Variants in ANKRD12 observed in about 807,000 individuals in gnomAD.
ANKRD12 encodes the protein ankyrin repeat domain-containing protein 12.
Under a neutral mutation model 183.4 loss-of-function variants are expected in ANKRD12, and 85 were observed. The ratio of observed to expected loss-of-function variants is 0.46; its 90% CI spans 0.39 to 0.56. The LOEUF (loss-of-function observed/expected upper bound fraction) is 0.56. Ranked by LOEUF, ANKRD12 falls within the 20% of genes least tolerant of loss-of-function variation. ANKRD12 has a pLI of 0.00. For missense variants in ANKRD12, 2,405 were observed against 2,357.1 expected, an observed-to-expected ratio of 1.02 and a Z score of -0.42; for synonymous variants, 914 against 800.2, an observed-to-expected ratio of 1.14 and a Z score of -2.40.
chr18:9,285,208 CAAAA>C lies in ANKRD12; in HGVS notation c.*4094_*4097del, dbSNP rs1213192761. On this transcript the variant is annotated 3_prime_UTR_variant, in exon 13 of 13. Transcript: ENST00000262126. ...TGGGCGACAGAGCGAGACTCCGTCT[CAAAA>C]AAAAAAAAAAAGAAAGAAAAGAAAA... 15 of 85,500 alleles carry C rather than the reference CAAAA, an allele frequency of 1.8e-4. No individual in the cohort carries two copies. Among genetic ancestry groups the C allele is most frequent in the Non-Finnish European group, 1.5e-4 (6 of 41,248 alleles). 5.3% of individuals were successfully genotyped at this position (85,500 alleles called of 1,614,324 possible). A position where few individuals can be genotyped will look rare whatever the true frequency, so the allele number is the denominator to read the frequency against.
chr18:9,204,450 T>G (rs1326310026), intron 3 of ANKRD12, 26 bp from the exon 4 acceptor site: 1 of 1,554,598 alleles, frequency 6.4e-7, no homozygotes, highest in Non-Finnish European at 8.8e-7. Context: ...CTTTTTTCTC[T>G]TCTCCTGTCT....
chr18:9,261,687 AGTT>A (rs1462696874), intron 9 of ANKRD12, among the ~76,000 whole-genome samples: 1 of 152,136 alleles, frequency 6.6e-6, no homozygotes. Context: ...ACCAACCTAG[AGTT>A]GTCTGCAGAT....
At chr18:9,177,502 A>G (rs1305575490) in intron 1 of ANKRD12, among the ~76,000 whole-genome samples, 3 of 152,160 alleles carry the variant, frequency 2.0e-5, no homozygotes, top group South Asian at 4.1e-4. Context: ...TGTTCTGTGC[A>G]TAGAACATGT....
At chr18:9,264,738 A>G (rs1413554919) in intron 10 of ANKRD12, among the ~76,000 whole-genome samples, 1 of 151,924 alleles carries the variant, frequency 6.6e-6, no homozygotes, top group Non-Finnish European at 1.5e-5. Flanking sequence ...GTCAGGTAAT[A>G]TAACACACAT....
At chr18:9,264,920 G>A (rs919589441) in intron 10 of ANKRD12, among the ~76,000 whole-genome samples, 10 of 152,316 alleles carry the variant, frequency 6.6e-5, no homozygotes, top group Admixed American at 3.9e-4. Context: ...CGTGAGCGAC[G>A]CAGAAGACGG....
At position 9,255,981 on chromosome 18, in the gene ANKRD12, A is replaced by G; in HGVS notation, c.2714A>G (p.Glu905Gly). 1 of 1,573,144 alleles carries G rather than the reference A, an allele frequency of 6.4e-7. No individual in the cohort carries two copies. Among genetic ancestry groups the G allele is most frequent in the African/African-American group, 1.4e-5 (1 of 72,322 alleles). Residue 905 changes from glutamate to glycine, a missense_variant, in exon 9 of 13, where the codon GAA (glutamate) becomes GGA (glycine). Transcript: ENST00000262126. ...KKTDDREKSR[E>G]KMDRKHDKEK... ...ACTGACGACAGAGAGAAAAGTAGAG[A>G]AAAGATGGATAGGAAACATGACAAA...
chr18:9,166,388 T>C (rs2032070719), intron 1 of ANKRD12, among the ~76,000 whole-genome samples: 1 of 152,192 alleles, frequency 6.6e-6, no homozygotes, highest in African/African-American at 2.4e-5. Context: ...ACCTGTTGTT[T>C]CCTGACTTTT....
intron 10 of ANKRD12, among the ~76,000 whole-genome samples, chr18:9,270,693 C>T (rs2039553659): frequency 1.3e-5 from 2 of 152,132 alleles, no homozygotes; most frequent in Non-Finnish European, 2.9e-5. Flanking sequence ...GTGCAGCACA[C>T]CAGCATGGCA....
intron 3 of ANKRD12, among the ~76,000 whole-genome samples, 174 bp from the exon 4 acceptor site, chr18:9,204,302 G>T (rs576346090): frequency 1.3e-5 from 2 of 152,328 alleles, no homozygotes. Flanking sequence ...GAAATATTAG[G>T]TGTTGACCAA....
intron 8 of ANKRD12, among the ~76,000 whole-genome samples, chr18:9,243,013 C>G (rs1468960781): frequency 1.3e-5 from 2 of 152,122 alleles, no homozygotes; most frequent in Non-Finnish European, 1.5e-5. Flanking sequence ...TTAGAAGAGA[C>G]TCTGTAAAAT....
At chr18:9,233,275 T>C (rs2037159010) in intron 8 of ANKRD12, among the ~76,000 whole-genome samples, 1 of 152,048 alleles carries the variant, frequency 6.6e-6, no homozygotes, top group African/African-American at 2.4e-5. Flanking sequence ...TGTTTGGTTC[T>C]TTTTTATGAT....
intron 1 of ANKRD12, among the ~76,000 whole-genome samples, chr18:9,142,137 C>T (rs74721698): frequency 0.013 from 1,968 of 152,222 alleles, 49 homozygotes; most frequent in African/African-American, 0.046. Flanking sequence ...GATTGTTACT[C>T]CTACATAGGA....
intron 4 of ANKRD12, among the ~76,000 whole-genome samples, chr18:9,204,895 G>A (rs1158757116): frequency 6.6e-6 from 1 of 152,196 alleles, no homozygotes; most frequent in Non-Finnish European, 1.5e-5. Context: ...GTGTTTCGTT[G>A]TATACCCTTC....
chr18:9,169,964 A>G lies in ANKRD12; in HGVS notation c.-51-12418A>G, dbSNP rs535774681. Among the ~76,000 whole-genome samples, 7 of 152,132 alleles carry G rather than the reference A, an allele frequency of 4.6e-5. No individual in the cohort carries two copies. The South Asian group carries it at 1.5e-3, about 32-fold the overall frequency. ...CTGTAAAGTATTTTATTTCTCCTTCACTTATGAAGCTTAGTTTGGCCGGAT... is the reference window on the plus strand; with the variant it reads ...CTGTAAAGTATTTTATTTCTCCTTCGCTTATGAAGCTTAGTTTGGCCGGAT... On this transcript the variant is annotated intron_variant, in intron 1 of 12. Coordinates refer to ENST00000262126, the MANE Select transcript of ANKRD12 (RefSeq NM_015208.5).
chr18:9,181,589 A>T (rs570424632), intron 1 of ANKRD12, among the ~76,000 whole-genome samples: 10 of 152,352 alleles, frequency 6.6e-5, no homozygotes, highest in African/African-American at 2.2e-4. Context: ...TCTGTGCTGT[A>T]TAGTACAGTG....
intron 4 of ANKRD12, 31 bp downstream of exon 4, chr18:9,204,575 C>A: frequency 1.4e-6 from 2 of 1,459,612 alleles, no homozygotes; most frequent in Non-Finnish European, 1.9e-6. Context: ...TCCTGTTTAG[C>A]CAGTGGTTTC....
chr18:9,175,055 A>C (rs752188577), intron 1 of ANKRD12, among the ~76,000 whole-genome samples: 4 of 152,008 alleles, frequency 2.6e-5, no homozygotes, highest in Non-Finnish European at 4.4e-5. Context: ...CCCAGATTCA[A>C]GCAACTCTCC....
intron 7 of ANKRD12, among the ~76,000 whole-genome samples, chr18:9,220,984 GGA>G (rs1307793819): frequency 1.3e-5 from 2 of 152,148 alleles, no homozygotes; most frequent in East Asian, 3.9e-4. Context: ...TGTCTTTTCA[GGA>G]GATGGACAGT....
intron 9 of ANKRD12, among the ~76,000 whole-genome samples, chr18:9,261,229 A>G (rs569155359): frequency 6.2e-4 from 94 of 152,302 alleles, no homozygotes; most frequent in African/African-American, 2.1e-3. Context: ...TAACCCTAAC[A>G]TGTTCTACAT....
Sources: allele counts gnomAD v4.1 joint callset (sites outside exome capture counted in the v4.1 genomes callset), GRCh38; gene constraint gnomAD v4.1.1; transcripts MANE v1.5; gene names NCBI Gene and HGNC (gene_info 2026-07-23, HGNC 2026-07-21).